Variants in DCHS2 observed in about 807,000 individuals in gnomAD.
DCHS2 encodes the protein protocadherin-23.
A neutral mutation model predicts 182.4 loss-of-function variants in DCHS2; 142 were observed. That is an observed-to-expected ratio of 0.78 (90% CI 0.68 to 0.89). The LOEUF is 0.89. DCHS2 is among the 40% of genes least tolerant of loss of function. DCHS2 has a pLI of 0.00. For synonymous variants in DCHS2, 1,740 were observed against 1,663.3 expected (o/e 1.05, Z -1.12); for missense variants, 4,319 against 4,198.6 (o/e 1.03, Z -0.79).
At position 154,232,153 on chromosome 4, in the gene DCHS2, C is replaced by A. The variant is rs1189145858; in HGVS notation, c.*2383G>T. 6.6e-6 allele frequency: 1 copy of A among 152,036 alleles called. No homozygotes were observed. The highest frequency in any genetic ancestry group is 2.4e-5 in the African/African-American group (1 of 41,414). The allele number at this position is 152,036 out of a possible 1,614,324, so 9.4% of individuals were successfully genotyped here. A position where few individuals can be genotyped will look rare whatever the true frequency, so the allele number is the denominator to read the frequency against. On this transcript the variant is annotated 3_prime_UTR_variant, in exon 20 of 20. Transcript: ENST00000357232. ...GTGCTAAAGCCAGTGCATAGATCAG[C>A]AAAGTAACCCAGAACATATGAGGCA...
chr4:154,412,257 C>T (rs1158961991), intron 1 of DCHS2, among the ~76,000 whole-genome samples: 1 of 152,150 alleles, frequency 6.6e-6, no homozygotes, highest in East Asian at 1.9e-4. Flanking sequence ...TCTAAAGAAG[C>T]ATCTCTCTGA....
chr4:154,275,095 A>G (rs1024589856), intron 13 of DCHS2, among the ~76,000 whole-genome samples: 4 of 152,084 alleles, frequency 2.6e-5, no homozygotes, highest in African/African-American at 9.7e-5. Context: ...AACAGAAAAA[A>G]GAAAAGGCTC....
At chr4:154,282,150 T>C (rs1201134104) in intron 13 of DCHS2, among the ~76,000 whole-genome samples, 2 of 151,878 alleles carry the variant, frequency 1.3e-5, no homozygotes, top group African/African-American at 4.8e-5. Context: ...ACCAAAAGCA[T>C]AGGCAACAAA....
chr4:154,372,733 T>G (rs1003098705), intron 2 of DCHS2, among the ~76,000 whole-genome samples: 2 of 152,200 alleles, frequency 1.3e-5, no homozygotes, highest in African/African-American at 4.8e-5. Flanking sequence ...TTTGGTTACA[T>G]TATGTAATTT....
intron 15 of DCHS2, among the ~76,000 whole-genome samples, chr4:154,255,913 T>A (rs76340333): frequency 0.045 from 6,838 of 152,242 alleles, 485 homozygotes; most frequent in African/African-American, 0.15. Context: ...GTACATGTTT[T>A]TGAGGTATAA....
chr4:154,425,545 A>T (rs1579071256), intron 1 of DCHS2, among the ~76,000 whole-genome samples: 1 of 152,208 alleles, frequency 6.6e-6, no homozygotes, highest in Non-Finnish European at 1.5e-5. Flanking sequence ...TGAAACTGAC[A>T]TGGTAGTTAG....
chr4:154,484,957 T>C (rs1392498769), intron 1 of DCHS2, among the ~76,000 whole-genome samples: 1 of 152,236 alleles, frequency 6.6e-6, no homozygotes, highest in Admixed American at 6.5e-5. Context: ...AATGCATCCA[T>C]GACAGGTTGT....
intron 14 of DCHS2, among the ~76,000 whole-genome samples, chr4:154,263,267 ATAAT>A (rs1733071911): frequency 6.6e-6 from 1 of 152,178 alleles, no homozygotes; most frequent in African/African-American, 2.4e-5. Context: ...ATTTAATATC[ATAAT>A]TAAAGTTTTA....
At chr4:154,413,817 C>T (rs1471498059) in intron 1 of DCHS2, among the ~76,000 whole-genome samples, 1 of 152,202 alleles carries the variant, frequency 6.6e-6, no homozygotes, top group Non-Finnish European at 1.5e-5. Context: ...GTTACTAACC[C>T]CAAAGCACTG....
chr4:154,388,189 C>G (rs1006053990), intron 1 of DCHS2, among the ~76,000 whole-genome samples: 1 of 151,752 alleles, frequency 6.6e-6, no homozygotes, highest in African/African-American at 2.4e-5. Flanking sequence ...TATTCTAAAA[C>G]CCAAATGTCC....
At chr4:154,239,132 C>A (rs777895001) in intron 19 of DCHS2, 38 bp downstream of exon 19, 1 of 1,584,232 alleles carries the variant, frequency 6.3e-7, no homozygotes, top group East Asian at 2.3e-5. Flanking sequence ...CTTTGAAACC[C>A]AAACCTATGA....
chr4:154,266,655 C>CAAAAGTAAAA (rs1733280745), intron 14 of DCHS2, among the ~76,000 whole-genome samples: 1 of 137,136 alleles, frequency 7.3e-6, no homozygotes, highest in African/African-American at 2.7e-5. Flanking sequence ...GGCTCCGTCT[C>CAAAAGTAAAA]AAAAAAAAAA....
At chr4:154,263,703 G>T (rs995745149) in intron 14 of DCHS2, among the ~76,000 whole-genome samples, 1 of 122,908 alleles carries the variant, frequency 8.1e-6, no homozygotes, top group East Asian at 2.3e-4. Context: ...AAAAAAAAAA[G>T]AAAACTGAAA....
Position 154,332,925 on chromosome 4 carries a change from C to CA in DCHS2, c.3282dup (p.Glu1095Ter), listed in dbSNP as rs1261948773. 2 of 1,614,208 alleles carry CA rather than the reference C, an allele frequency of 1.2e-6. No homozygotes were observed. Among genetic ancestry groups the CA allele is most frequent in the East Asian group, 4.5e-5 (2 of 44,876 alleles). ...ATTTGTGTCATCGGTGAGAGAGACT[C>CA]ACTGACTTCCACTTGATAGACCAAA... On this transcript the variant is annotated frameshift_variant, in exon 5 of 20. Coordinates refer to ENST00000357232, the MANE Select transcript of DCHS2 (RefSeq NM_001358235.2). LOFTEE classifies it high-confidence loss of function.
chr4:154,351,274 A>G (rs933499858), intron 3 of DCHS2, among the ~76,000 whole-genome samples: 10 of 152,342 alleles, frequency 6.6e-5, no homozygotes, highest in Middle Eastern at 3.4e-3. Flanking sequence ...ATTACACTAC[A>G]GACTCTCAAT....
chr4:154,444,651 A>G (rs1175162266), intron 1 of DCHS2, among the ~76,000 whole-genome samples: 1 of 151,944 alleles, frequency 6.6e-6, no homozygotes, highest in Non-Finnish European at 1.5e-5. Flanking sequence ...CCCTCACAAC[A>G]CCATCCCACC....
chr4:154,289,543 T>C (rs1734556582), intron 13 of DCHS2, among the ~76,000 whole-genome samples: 1 of 151,986 alleles, frequency 6.6e-6, no homozygotes, highest in Non-Finnish European at 1.5e-5. Context: ...ACTCAAAGTA[T>C]TCCAAAAAAT....
chr4:154,382,857 A>G (rs1389291530), intron 1 of DCHS2, among the ~76,000 whole-genome samples: 4 of 152,126 alleles, frequency 2.6e-5, no homozygotes, highest in Non-Finnish European at 5.9e-5. Flanking sequence ...ACAGATGCTG[A>G]TGAGGCTATG....
chr4:154,454,415 TC>T (rs1447074123), intron 1 of DCHS2, among the ~76,000 whole-genome samples: 2 of 152,270 alleles, frequency 1.3e-5, no homozygotes, highest in African/African-American at 2.4e-5. Context: ...AGTTAATTTT[TC>T]TATTTTTTAT....
Sources: gnomAD v4.1 joint callset for allele counts (sites outside exome capture counted in the v4.1 genomes callset) on GRCh38, gnomAD v4.1.1 for gene constraint, MANE v1.5 for transcripts, NCBI Gene and HGNC (gene_info 2026-07-23, HGNC 2026-07-21) for gene names.